Variants in DLC1 observed in about 807,000 individuals in gnomAD.
DLC1 encodes rho GTPase-activating protein 7.
A neutral mutation model predicts 140.3 loss-of-function variants in DLC1; 54 were observed. That is an observed-to-expected ratio of 0.38 (90% CI 0.31 to 0.48). The LOEUF (loss-of-function observed/expected upper bound fraction) is 0.48, where lower values mean the gene tolerates loss of function less well. DLC1 is among the 20% of genes least tolerant of loss of function. The pLI is 0.96. For missense variants in DLC1, 2,536 were observed against 1,907.0 expected (o/e 1.33, Z -6.14); for synonymous variants, 986 against 728.1 (o/e 1.35, Z -5.70).
chr8:13,514,047 T>A lies in DLC1; in HGVS notation c.-126+555A>T, dbSNP rs190160032. 3.6e-4 allele frequency among the ~76,000 whole-genome samples: 55 copies of A among 152,144 alleles called. No individual in the cohort carries two copies. In the East Asian group the frequency reaches 8.9e-3, roughly 25 times the overall value. ...ATTTCACGTGTTTACTTTTTTTTTT[T>A]AAATGAACCTTTTAAGCTGTACAGG... On this transcript the variant is annotated intron_variant, in intron 1 of 17. Coordinates refer to ENST00000276297, the MANE Select transcript of DLC1 (RefSeq NM_182643.3).
At chr8:13,404,034 G>T (rs1837418658) in intron 2 of DLC1, among the ~76,000 whole-genome samples, 1 of 151,950 alleles carries the variant, frequency 6.6e-6, no homozygotes, top group South Asian at 2.1e-4. Flanking sequence ...TTATCCTAAG[G>T]TTATTTTTTC....
rs767769400 is a variant in DLC1, at chr8:13,085,785, T to C, written c.*26A>G. On this transcript the variant is annotated 3_prime_UTR_variant, in exon 18 of 18. Coordinates refer to ENST00000276297, the MANE Select transcript of DLC1 (RefSeq NM_182643.3). The stretch of plus-strand genomic sequence containing the variant: ...GTTCTAGAAACAAACACCATGGTGG[T>C]GGAAGCGGTTGCGTTGCTTCAGTGA... 9 of 1,613,814 alleles carry C rather than the reference T, an allele frequency of 5.6e-6. No homozygotes were observed. The Admixed American group carries it at 1.2e-4, about 21-fold the overall frequency.
intron 2 of DLC1, among the ~76,000 whole-genome samples, chr8:13,416,526 G>A (rs1333307861): frequency 3.3e-5 from 5 of 152,158 alleles, no homozygotes; most frequent in African/African-American, 1.2e-4. Flanking sequence ...AACTTAAGGA[G>A]GGAAGTGGAA....
At chr8:13,283,293 A>AACACACAC (rs58438325) in intron 5 of DLC1, among the ~76,000 whole-genome samples, 52 of 145,120 alleles carry the variant, frequency 3.6e-4, no homozygotes, top group African/African-American at 4.6e-4. Context: ...ATCCTACTGA[A>AACACACAC]ACACACACAC....
intron 5 of DLC1, among the ~76,000 whole-genome samples, chr8:13,179,813 C>T (rs1324028875): frequency 6.6e-6 from 1 of 151,964 alleles, no homozygotes. Context: ...AGATATTAAA[C>T]TATATATTAT....
chr8:13,263,674 TTTG>T (rs1374374250), intron 5 of DLC1, among the ~76,000 whole-genome samples: 9 of 151,518 alleles, frequency 5.9e-5, no homozygotes, highest in African/African-American at 2.2e-4. Flanking sequence ...TAAACTTGAC[TTTG>T]TTAATATCTT....
chr8:13,189,023 A>T lies in DLC1; in HGVS notation c.1349-73366T>A, dbSNP rs183652663. 3.3e-5 allele frequency among the ~76,000 whole-genome samples: 5 copies of T among 151,488 alleles called. No individual in the cohort carries two copies. The East Asian group carries it at 9.7e-4, about 29-fold the overall frequency. On this transcript the variant is annotated intron_variant, in intron 5 of 17. Coordinates refer to ENST00000276297, the MANE Select transcript of DLC1 (RefSeq NM_182643.3). ...TATTTTTAAACAAATAAAAATCCCT[A>T]TGGACCAAGCCTTTTCTCAAACAAT...
upstream of DLC1, chr8:13,515,015 A>G (rs1160905898): frequency 4.8e-5 from 9 of 189,152 alleles, no homozygotes; most frequent in Non-Finnish European, 8.6e-5. Flanking sequence ...ACAGAACTCA[A>G]GTGAGTTTTG....
chr8:13,104,350 C>CAAAAAAAAA (rs71304974), intron 7 of DLC1, among the ~76,000 whole-genome samples: 1 of 119,438 alleles, frequency 8.4e-6, no homozygotes, highest in African/African-American at 3.4e-5. Flanking sequence ...AAAATACTTA[C>CAAAAAAAAA]AAAAAAAAAA....
At chr8:13,217,260 G>A (rs751164907) in intron 5 of DLC1, among the ~76,000 whole-genome samples, 4 of 152,138 alleles carry the variant, frequency 2.6e-5, no homozygotes, top group Non-Finnish European at 5.9e-5. Context: ...CACATTAAAA[G>A]AGTAAAAAGA....
chr8:13,382,845 G>A (rs1195117774), intron 4 of DLC1, among the ~76,000 whole-genome samples: 2 of 152,182 alleles, frequency 1.3e-5, no homozygotes. Context: ...AAAGGATTAT[G>A]AAGACAATGT....
Position 13,318,653 on chromosome 8 carries a change from C to T in DLC1, c.1315-13351G>A, listed in dbSNP as rs148226405. ...AATTGCTAGTAACAAACAAACAAAA[C>T]ACCTAGTTGGAACATGGGCTTAAAG... On this transcript the variant is annotated intron_variant, in intron 4 of 17. Transcript: ENST00000276297. 1.4e-3 allele frequency among the ~76,000 whole-genome samples: 218 copies of T among 152,258 alleles called. 1 individual carries two copies. The highest frequency in any genetic ancestry group is 4.5e-3 in the African/African-American group (187 of 41,550).
At chr8:13,310,533 A>C (rs1368041464) in intron 4 of DLC1, among the ~76,000 whole-genome samples, 1 of 152,224 alleles carries the variant, frequency 6.6e-6, no homozygotes, top group Admixed American at 6.5e-5. Context: ...CATTGTGGGC[A>C]CATGGGCAAC....
intron 2 of DLC1, among the ~76,000 whole-genome samples, chr8:13,441,661 A>G (rs950679514): frequency 4.6e-5 from 7 of 152,152 alleles, no homozygotes; most frequent in Admixed American, 1.3e-4. Context: ...AGGGACGTGA[A>G]GGACCTCTTC....
rs1194256927 is a variant in DLC1, at chr8:13,499,057, T to TA, written c.1014dup (p.Lys339Ter). The TA allele has an allele frequency of 1.2e-6, 2 of 1,609,466 alleles. No homozygotes were observed. Among genetic ancestry groups the TA allele is most frequent in the Non-Finnish European group, 1.7e-6 (2 of 1,178,076 alleles). On this transcript the variant is annotated frameshift_variant, in exon 2 of 18. Transcript: ENST00000276297. LOFTEE classifies it high-confidence loss of function. ...CTGTGCATATGTCTTACCTTTCTCT[T>TA]ACGAAGTCTGACTTGGTTATCTGTG...
At chr8:13,552,186 T>TACCCCC (rs1349452700) in intron 1 of DLC1, among the ~76,000 whole-genome samples, 2 of 143,384 alleles carry the variant, frequency 1.4e-5, no homozygotes, top group African/African-American at 5.1e-5. Flanking sequence ...GGTGTATATA[T>TACCCCC]ATACCTGTCT....
chr8:13,397,917 G>A (rs935168850), intron 3 of DLC1, among the ~76,000 whole-genome samples: 1 of 152,096 alleles, frequency 6.6e-6, no homozygotes, highest in South Asian at 2.1e-4. Flanking sequence ...CAGATCACGA[G>A]GTGAGGAGAT....
At chr8:13,224,168 T>C (rs1391413038) in intron 5 of DLC1, among the ~76,000 whole-genome samples, 2 of 152,176 alleles carry the variant, frequency 1.3e-5, no homozygotes, top group African/African-American at 4.8e-5. Context: ...GAATAACTAT[T>C]GATTTACCCA....
At chr8:13,184,702 A>G (rs1826244760) in intron 5 of DLC1, among the ~76,000 whole-genome samples, 1 of 152,252 alleles carries the variant, frequency 6.6e-6, no homozygotes, top group Non-Finnish European at 1.5e-5. Context: ...TTTGCTGAGG[A>G]GTGCTTTACT....
Sources: gnomAD v4.1 joint callset for allele counts (sites outside exome capture counted in the v4.1 genomes callset) on GRCh38, gnomAD v4.1.1 for gene constraint, MANE v1.5 for transcripts, NCBI Gene and HGNC (gene_info 2026-07-23, HGNC 2026-07-21) for gene names.